MAN1A2: variants seen among roughly 807,000 people sequenced by gnomAD.
The protein encoded by MAN1A2 is mannosyl-oligosaccharide 1,2-alpha-mannosidase IB.
Under a neutral mutation model 75.7 loss-of-function variants are expected in MAN1A2, and 26 were observed. That is an observed-to-expected ratio of 0.34 (90% CI 0.25 to 0.48). The LOEUF (loss-of-function observed/expected upper bound fraction) is 0.48, where lower values mean the gene tolerates loss of function less well. MAN1A2 is among the 20% of genes least tolerant of loss of function. The pLI, the probability that MAN1A2 is intolerant of heterozygous loss-of-function variation, is 0.99. For missense variants in MAN1A2, 562 were observed against 775.5 expected, an observed-to-expected ratio of 0.72 and a Z score of 3.27; for synonymous variants, 247 against 264.6, an observed-to-expected ratio of 0.93 and a Z score of 0.65.
chr1:117,411,917 T>C (rs1647832519), intron 3 of MAN1A2, among the ~76,000 whole-genome samples: 1 of 151,816 alleles, frequency 6.6e-6, no homozygotes, highest in African/African-American at 2.4e-5. Context: ...TGGTTTCTTA[T>C]AAACTTACTG....
chr1:117,482,946 C>T (rs1650546080), intron 8 of MAN1A2, among the ~76,000 whole-genome samples: 1 of 152,076 alleles, frequency 6.6e-6, no homozygotes, highest in Non-Finnish European at 1.5e-5. Context: ...CCAGTTTTAG[C>T]TTTCTACATA....
At chr1:117,471,999 A>G (rs1179957215) in intron 8 of MAN1A2, among the ~76,000 whole-genome samples, 1 of 151,968 alleles carries the variant, frequency 6.6e-6, no homozygotes, top group South Asian at 2.1e-4. Context: ...GCAGAAGGAC[A>G]TACTAGAAAG....
intron 6 of MAN1A2, among the ~76,000 whole-genome samples, chr1:117,446,975 T>C (rs1349305859): frequency 1.3e-5 from 2 of 152,140 alleles, no homozygotes; most frequent in African/African-American, 4.8e-5. Context: ...ACACGTTTAT[T>C]ATATGCTTTC....
chr1:117,486,350 TCTGA>T (rs1197276729), intron 8 of MAN1A2, among the ~76,000 whole-genome samples: 1 of 151,974 alleles, frequency 6.6e-6, no homozygotes, highest in Non-Finnish European at 1.5e-5. Context: ...AAGGTATTGT[TCTGA>T]CTGTGGGTTA....
At chr1:117,399,024 C>T (rs993260831) in intron 1 of MAN1A2, among the ~76,000 whole-genome samples, 35 of 152,170 alleles carry the variant, frequency 2.3e-4, no homozygotes, top group African/African-American at 4.1e-4. Flanking sequence ...GTGGTTCCAT[C>T]GCATGCTAAA....
intron 1 of MAN1A2, among the ~76,000 whole-genome samples, chr1:117,378,193 A>G (rs1384575539): frequency 6.6e-6 from 1 of 152,210 alleles, no homozygotes; most frequent in Non-Finnish European, 1.5e-5. Flanking sequence ...CAGTGTAACT[A>G]CTAGTTAGCT....
intron 1 of MAN1A2, among the ~76,000 whole-genome samples, chr1:117,389,619 A>G (rs936031727): frequency 5.9e-5 from 9 of 152,138 alleles, no homozygotes; most frequent in African/African-American, 2.2e-4. Flanking sequence ...GAACCTGTAT[A>G]CTGGGGTAGT....
chr1:117,518,439 G>A (rs1302659602), intron 12 of MAN1A2, among the ~76,000 whole-genome samples: 2 of 151,848 alleles, frequency 1.3e-5, no homozygotes, highest in East Asian at 3.9e-4. Flanking sequence ...TGTTATGGAT[G>A]GCCCACATCT....
intron 8 of MAN1A2, among the ~76,000 whole-genome samples, chr1:117,475,871 T>TTTATACCAAAAA (rs1412642692): frequency 6.6e-6 from 1 of 152,168 alleles, no homozygotes; most frequent in Non-Finnish European, 1.5e-5. Flanking sequence ...ATCCTTTGGG[T>TTTATACCAAAAA]GTATACCCAG....
At chr1:117,383,356 T>A (rs887214122) in intron 1 of MAN1A2, among the ~76,000 whole-genome samples, 3 of 152,212 alleles carry the variant, frequency 2.0e-5, no homozygotes, top group Non-Finnish European at 4.4e-5. Context: ...GCTGTTGGAT[T>A]CAGTTTGCTA....
intron 12 of MAN1A2, among the ~76,000 whole-genome samples, chr1:117,521,660 C>G (rs1043268734): frequency 6.6e-6 from 1 of 151,952 alleles, no homozygotes; most frequent in Non-Finnish European, 1.5e-5. Flanking sequence ...TTTGATCCAG[C>G]AATCCCACTA....
At chr1:117,481,692 A>T (rs1386968893) in intron 8 of MAN1A2, among the ~76,000 whole-genome samples, 1 of 151,956 alleles carries the variant, frequency 6.6e-6, no homozygotes, top group Admixed American at 6.6e-5. Flanking sequence ...TGGTCTCATC[A>T]TCTATCAGGA....
chr1:117,478,987 G>A (rs575966932), intron 8 of MAN1A2, among the ~76,000 whole-genome samples: 1 of 151,314 alleles, frequency 6.6e-6, no homozygotes, highest in East Asian at 2.0e-4. Flanking sequence ...ATAGGTAAAC[G>A]GGTGCCATGG....
intron 11 of MAN1A2, among the ~76,000 whole-genome samples, chr1:117,502,578 T>G (rs369876136): frequency 6.6e-6 from 1 of 151,632 alleles, no homozygotes; most frequent in Non-Finnish European, 1.5e-5. Flanking sequence ...TTAGAAAAAA[T>G]AGCCTAAATT....
intron 1 of MAN1A2, among the ~76,000 whole-genome samples, chr1:117,388,266 A>T (rs1163956346): frequency 1.3e-5 from 2 of 152,260 alleles, no homozygotes; most frequent in African/African-American, 2.4e-5. Flanking sequence ...TTGAGAAATT[A>T]TCTATAATAA....
At chr1:117,399,190 G>GC (rs914838607) in intron 1 of MAN1A2, among the ~76,000 whole-genome samples, 1 of 152,198 alleles carries the variant, frequency 6.6e-6, no homozygotes, top group East Asian at 1.9e-4. Context: ...TATATGTCTT[G>GC]CCCCCCACAG....
chr1:117,518,404 G>T (rs1034075589), intron 12 of MAN1A2, among the ~76,000 whole-genome samples: 1 of 151,850 alleles, frequency 6.6e-6, no homozygotes, highest in African/African-American at 2.4e-5. Flanking sequence ...ATTTTAAATG[G>T]TGTATGTTTT....
chr1:117,447,682 T>C (rs968439347), intron 6 of MAN1A2, among the ~76,000 whole-genome samples: 1 of 152,206 alleles, frequency 6.6e-6, no homozygotes, highest in African/African-American at 2.4e-5. Flanking sequence ...TTGAGTGAGA[T>C]TGAATTTATT....
intron 1 of MAN1A2, among the ~76,000 whole-genome samples, chr1:117,387,324 A>G (rs2101734546): frequency 6.6e-6 from 1 of 152,276 alleles, no homozygotes; most frequent in South Asian, 2.1e-4. Flanking sequence ...CTGCTGTAGA[A>G]AACAGTATGG....
Sources: gnomAD v4.1 joint callset for allele counts (sites outside exome capture counted in the v4.1 genomes callset) on GRCh38, gnomAD v4.1.1 for gene constraint, MANE v1.5 for transcripts, NCBI Gene and HGNC (gene_info 2026-07-23, HGNC 2026-07-21) for gene names.